Variants in NAALADL2 observed in about 807,000 individuals in gnomAD.
The protein encoded by NAALADL2 is N-acetylated alpha-linked acidic dipeptidase like 2.
NAALADL2 carries 76 observed loss-of-function variants against 87.2 expected under a neutral mutation model. The ratio of observed to expected loss-of-function variants is 0.87; its 90% confidence interval spans 0.72 to 1.05. The LOEUF (loss-of-function observed/expected upper bound fraction) is 1.05, where lower values mean the gene tolerates loss of function less well. Ranked by LOEUF, NAALADL2 falls within the 50% of genes least tolerant of loss-of-function variation. The pLI is 0.00. For missense variants in NAALADL2, 1,089 were observed against 945.8 expected (o/e 1.15, Z -1.99); for synonymous variants, 354 against 331.0 (o/e 1.07, Z -0.75).
At chr3:175,636,481 C>T (rs536556910) in intron 11 of NAALADL2, among the ~76,000 whole-genome samples, 1 of 152,072 alleles carries the variant, frequency 6.6e-6, no homozygotes, top group South Asian at 2.1e-4. Flanking sequence ...GGCAGATCAC[C>T]TGAGGTCAGG....
chr3:175,154,641 AT>A (rs145766858), intron 2 of NAALADL2, among the ~76,000 whole-genome samples: 5,677 of 152,222 alleles, frequency 0.037, 158 homozygotes, highest in Non-Finnish European at 0.059. Context: ...TTTTAAAGCC[AT>A]TTTACTTCTG....
intron 2 of NAALADL2, among the ~76,000 whole-genome samples, chr3:174,642,041 G>A (rs1752548427): frequency 6.6e-6 from 1 of 152,164 alleles, no homozygotes; most frequent in Admixed American, 6.5e-5. Flanking sequence ...TTACAGGCAT[G>A]AGCCACTGCC....
intron 10 of NAALADL2, among the ~76,000 whole-genome samples, chr3:175,623,151 A>T (rs1351189485): frequency 2.0e-5 from 3 of 149,328 alleles, no homozygotes; most frequent in South Asian, 4.2e-4. Context: ...ATTTATGCAT[A>T]AAAAAATGCA....
At chr3:175,345,289 T>C (rs1763035161) in intron 5 of NAALADL2, among the ~76,000 whole-genome samples, 1 of 149,902 alleles carries the variant, frequency 6.7e-6, no homozygotes, top group East Asian at 2.0e-4. Context: ...CATGGAATCA[T>C]GATTAATACT....
At chr3:175,664,787 T>A (rs1278941872) in intron 11 of NAALADL2, among the ~76,000 whole-genome samples, 2 of 152,166 alleles carry the variant, frequency 1.3e-5, no homozygotes, top group Non-Finnish European at 2.9e-5. Flanking sequence ...GTAAAATGAA[T>A]TTTAGATGAA....
chr3:175,326,263 G>C (rs1255920968), intron 5 of NAALADL2, among the ~76,000 whole-genome samples: 1 of 152,142 alleles, frequency 6.6e-6, no homozygotes, highest in Non-Finnish European at 1.5e-5. Flanking sequence ...ATTTCTGCCT[G>C]AGACCTTATC....
At chr3:175,121,645 C>T (rs1357591934) in intron 2 of NAALADL2, among the ~76,000 whole-genome samples, 4 of 151,778 alleles carry the variant, frequency 2.6e-5, no homozygotes, top group African/African-American at 9.7e-5. Context: ...CCACATCACA[C>T]TTTTGTTTAC....
At chr3:175,349,539 T>C (rs945937455) in intron 5 of NAALADL2, among the ~76,000 whole-genome samples, 1 of 152,190 alleles carries the variant, frequency 6.6e-6, no homozygotes, top group African/African-American at 2.4e-5. Flanking sequence ...GTCACTGAAC[T>C]CTCCTATGCG....
chr3:175,241,051 G>A (rs962161557), intron 3 of NAALADL2, among the ~76,000 whole-genome samples: 6 of 152,118 alleles, frequency 3.9e-5, no homozygotes, highest in African/African-American at 1.4e-4. Flanking sequence ...TTTGGCAACA[G>A]TGCACAAGTG....
intron 2 of NAALADL2, among the ~76,000 whole-genome samples, chr3:174,615,385 C>A (rs892649475): frequency 6.6e-6 from 1 of 152,140 alleles, no homozygotes; most frequent in Admixed American, 6.5e-5. Context: ...TTAGTTGTGT[C>A]AGCAATTGAT....
At chr3:174,528,709 C>T (rs929282231) in intron 1 of NAALADL2, among the ~76,000 whole-genome samples, 6 of 152,104 alleles carry the variant, frequency 3.9e-5, no homozygotes, top group Non-Finnish European at 7.4e-5. Flanking sequence ...CGAGACCTCA[C>T]AATCAAGGTG....
intron 1 of NAALADL2, among the ~76,000 whole-genome samples, chr3:174,960,756 C>T (rs982207127): frequency 6.6e-6 from 1 of 151,988 alleles, no homozygotes; most frequent in African/African-American, 2.4e-5. Flanking sequence ...AAAACCAGTG[C>T]AGGGTATTAT....
intron 3 of NAALADL2, among the ~76,000 whole-genome samples, chr3:174,843,009 T>C (rs553842252): frequency 1.3e-5 from 2 of 152,278 alleles, no homozygotes; most frequent in South Asian, 2.1e-4. Context: ...ATTGTATATA[T>C]TTATGAGGTT....
intron 9 of NAALADL2, among the ~76,000 whole-genome samples, chr3:175,489,975 G>A (rs200722764): frequency 6.6e-6 from 1 of 152,100 alleles, no homozygotes; most frequent in African/African-American, 2.4e-5. Context: ...ACCCTCCTCC[G>A]TTTTTAGCCA....
At chr3:174,837,211 T>C (rs150092119) in intron 3 of NAALADL2, among the ~76,000 whole-genome samples, 1 of 152,246 alleles carries the variant, frequency 6.6e-6, no homozygotes, top group African/African-American at 2.4e-5. Flanking sequence ...AAAAGCTGGT[T>C]CTTTGAAAAG....
At position 175,233,962 on chromosome 3, in the gene NAALADL2, G is replaced by A; in HGVS notation, c.577G>A (p.Asp193Asn). 10 of 1,596,044 alleles carry A rather than the reference G, an allele frequency of 6.3e-6. No individual in the cohort carries two copies. Among genetic ancestry groups the A allele is most frequent in the Non-Finnish European group, 8.6e-6 (10 of 1,166,950 alleles). ...NLVQLYKNED[D>N]MEISKKIKTQ... ...GGTACAACTATATAAAAATGAAGAT[G>A]ACATGGAAATTTCAAAGAAGATTAA... Residue 193 changes from aspartate (D) to asparagine (N), a missense_variant, in exon 3 of 14, where the codon GAC becomes AAC. Coordinates refer to ENST00000454872, the MANE Select transcript of NAALADL2 (RefSeq NM_207015.3).
chr3:175,512,007 T>G (rs901455464), intron 9 of NAALADL2, among the ~76,000 whole-genome samples: 2 of 152,104 alleles, frequency 1.3e-5, no homozygotes, highest in African/African-American at 4.8e-5. Context: ...TTTGGGAGGC[T>G]GAGGTAGAGG....
intron 13 of NAALADL2, among the ~76,000 whole-genome samples, chr3:175,774,571 GA>G (rs929994471): frequency 2.5e-4 from 37 of 148,632 alleles, no homozygotes; most frequent in African/African-American, 5.7e-4. Context: ...TTTGTTTGCA[GA>G]AAAAAAAAAT....
At chr3:175,789,733 A>ATTAAG (rs1752547586) in intron 13 of NAALADL2, among the ~76,000 whole-genome samples, 1 of 152,196 alleles carries the variant, frequency 6.6e-6, no homozygotes, top group South Asian at 2.1e-4. Flanking sequence ...TATGTTAAAT[A>ATTAAG]TTAAGTTTCA....
Sources: allele counts gnomAD v4.1 joint callset (sites outside exome capture counted in the v4.1 genomes callset), GRCh38; gene constraint gnomAD v4.1.1; transcripts MANE v1.5; gene names NCBI Gene and HGNC (gene_info 2026-07-23, HGNC 2026-07-21).